The following SLC16A3 variants were observed in gnomAD, a reference collection of about 807,000 sequenced individuals.
SLC16A3 encodes monocarboxylate transporter 4.
In SLC16A3, 22 loss-of-function variants were observed where a neutral mutation model predicts 25.0. The ratio of observed to expected loss-of-function variants is 0.88; its 90% CI spans 0.63 to 1.26. The LOEUF is 1.26. Among genes scored for constraint, SLC16A3 ranks in the 50% most tolerant of loss-of-function variants. The probability of loss-of-function intolerance (pLI) is 0.00; values close to 1 mark genes in which losing one functional copy is unlikely to be tolerated. For missense variants in SLC16A3, 731 were observed against 666.6 expected (o/e 1.10, Z -1.06); for synonymous variants, 390 against 309.2 (o/e 1.26, Z -2.74).
At position 82,237,207 on chromosome 17, in the gene SLC16A3, C is replaced by T. The variant is rs1416950654; in HGVS notation, c.437C>T (p.Pro146Leu). 6.5e-7 allele frequency: 1 copy of T among 1,538,934 alleles called. No individual in the cohort carries two copies. The highest frequency in any genetic ancestry group is 8.8e-7 in the Non-Finnish European group (1 of 1,142,786). Reference protein sequence around the residue: ...MLNRYFSKRRPMANGLAAAGS... With the variant: ...MLNRYFSKRRLMANGLAAAGS... ...AACCGCTACTTCAGCAAGCGGCGCCCCATGGCCAACGGGCTGGCGGCAGCA... is the reference window on the plus strand; with the variant it reads ...AACCGCTACTTCAGCAAGCGGCGCCTCATGGCCAACGGGCTGGCGGCAGCA... The change falls in exon 4 of 5, where the codon CCC becomes CTC. Residue 146 changes from proline (P) to leucine (L), a missense_variant. Transcript: ENST00000582743.
intron 1 of SLC16A3, chr17:82,230,947 T>C (rs1036700626): frequency 6.6e-6 from 1 of 151,928 alleles, no homozygotes; most frequent in Non-Finnish European, 1.5e-5. Flanking sequence ...CCGCGCCCAC[T>C]GGTCCCACCT....
chr17:82,220,115 C>T (rs1276228845), intron 1 of SLC16A3, among the ~76,000 whole-genome samples: 1 of 152,232 alleles, frequency 6.6e-6, no homozygotes, highest in Non-Finnish European at 1.5e-5. Context: ...CATCCAGCCA[C>T]CTGCCACCCC....
intron 1 of SLC16A3, among the ~76,000 whole-genome samples, chr17:82,221,882 C>A (rs535097285): frequency 6.6e-6 from 1 of 152,288 alleles, no homozygotes; most frequent in African/African-American, 2.4e-5. Context: ...AAAACAAACA[C>A]CTCCCAGAAA....
chr17:82,218,111 CTCG>C (rs2050366405), exon 1 of SLC16A3, among the ~76,000 whole-genome samples: 1 of 152,230 alleles, frequency 6.6e-6, no homozygotes, highest in South Asian at 2.1e-4. Flanking sequence ...ACCTCTGCTC[CTCG>C]ACCTGGGATG....
At chr17:82,224,767 CCAA>C (rs1250476509), upstream of SLC16A3, among the ~76,000 whole-genome samples, 3 of 151,952 alleles carry the variant, frequency 2.0e-5, no homozygotes, top group African/African-American at 4.8e-5. Flanking sequence ...CAGACGCACC[CCAA>C]CACCTGTGCA....
At chr17:82,222,789 GC>G (rs1264389916) in intron 1 of SLC16A3, among the ~76,000 whole-genome samples, 1 of 140,542 alleles carries the variant, frequency 7.1e-6, no homozygotes, top group Non-Finnish European at 1.5e-5. Context: ...GGGGACAAGA[GC>G]GAGACTCCGT....
upstream of SLC16A3, among the ~76,000 whole-genome samples, chr17:82,226,810 C>T (rs1227680424): frequency 6.6e-6 from 1 of 152,170 alleles, no homozygotes; most frequent in African/African-American, 2.4e-5. Flanking sequence ...GGCCCCACCC[C>T]ACAGCGTCCT....
upstream of SLC16A3, among the ~76,000 whole-genome samples, chr17:82,226,238 CAG>C (rs2050420915): frequency 1.3e-5 from 2 of 152,080 alleles, no homozygotes; most frequent in South Asian, 2.1e-4. Context: ...GCTGTGGGGT[CAG>C]AGGGGGGCGT....
At chr17:82,220,487 C>A (rs1675905438) in intron 1 of SLC16A3, among the ~76,000 whole-genome samples, 1 of 152,154 alleles carries the variant, frequency 6.6e-6, no homozygotes, top group South Asian at 2.1e-4. Flanking sequence ...GTAATAGATT[C>A]CGGCCAGGCA....
intron 1 of SLC16A3, among the ~76,000 whole-genome samples, chr17:82,222,695 C>T (rs377356050): frequency 3.3e-5 from 5 of 150,772 alleles, no homozygotes; most frequent in South Asian, 2.1e-4. Context: ...TCCAGCTACT[C>T]GGGAGGCTGA....
intron 1 of SLC16A3, among the ~76,000 whole-genome samples, chr17:82,220,199 A>G (rs1188807170): frequency 1.3e-5 from 2 of 152,158 alleles, no homozygotes; most frequent in Non-Finnish European, 2.9e-5. Context: ...CGGCCACCCC[A>G]AAACCTTCTT....
intron 1 of SLC16A3, chr17:82,234,437 TG>T (rs955079776): frequency 2.0e-4 from 31 of 152,040 alleles, no homozygotes; most frequent in African/African-American, 7.3e-4. Flanking sequence ...TCTGGCTCTG[TG>T]GGGGGGTCTG....
chr17:82,221,983 C>G (rs753564436), intron 1 of SLC16A3, among the ~76,000 whole-genome samples: 1 of 152,238 alleles, frequency 6.6e-6, no homozygotes, highest in East Asian at 1.9e-4. Flanking sequence ...CCAAAGCCTC[C>G]GTGGAAAGCA....
intron 2 of SLC16A3, 28 bp from the exon 3 acceptor site, chr17:82,236,701 G>C: frequency 6.3e-7 from 1 of 1,593,986 alleles, no homozygotes; most frequent in Non-Finnish European, 8.5e-7. Context: ...CTGCAGGCCC[G>C]GCCCCTCTCA....
chr17:82,239,086 CTG>C lies in SLC16A3; in HGVS notation c.*111_*112del. The C allele has an allele frequency of 9.1e-7, 1 of 1,104,162 alleles. No individual in the cohort carries two copies. Among genetic ancestry groups the C allele is most frequent in the East Asian group, 2.6e-5 (1 of 38,606 alleles). The allele number at this position is 1,104,162 out of a possible 1,614,324, so 68.4% of individuals were successfully genotyped here. A position where few individuals can be genotyped will look rare whatever the true frequency, so the allele number is the denominator to read the frequency against. ...AGGCAGGGCCACGGCTGGGCTCCAGCTGCCGGCCCAGCGGATCGTCGCCCGAT... is the reference window on the plus strand; with the variant it reads ...AGGCAGGGCCACGGCTGGGCTCCAGCCCGGCCCAGCGGATCGTCGCCCGAT... On this transcript the variant is annotated 3_prime_UTR_variant, in exon 5 of 5. Coordinates refer to ENST00000582743, the MANE Select transcript of SLC16A3 (RefSeq NM_004207.4).
At chr17:82,228,670 T>A (rs1045483726), upstream of SLC16A3, 7 of 152,144 alleles carry the variant, frequency 4.6e-5, no homozygotes, top group African/African-American at 1.7e-4. Context: ...GAGGGGTCGC[T>A]GCCCTGGAGG....
At position 82,239,883 on chromosome 17, in the gene SLC16A3, C is replaced by T. The variant is rs919038163; in HGVS notation, c.*907C>T. On this transcript the variant is annotated 3_prime_UTR_variant, in exon 5 of 5. Coordinates refer to ENST00000582743, the MANE Select transcript of SLC16A3 (RefSeq NM_004207.4). ...GTCCTCCATCCAGCCCGGCCCAGCG[C>T]TTGGGCTTGTCCTGGACACCTAACA... is the stretch of plus-strand genomic sequence containing the variant. 5.5e-6 allele frequency: 4 copies of T among 733,216 alleles called. No individual in the cohort carries two copies. The highest frequency in any genetic ancestry group is 7.5e-6 in the Non-Finnish European group (4 of 532,296). The allele number at this position is 733,216 out of a possible 1,614,324, so 45.4% of individuals were successfully genotyped here. A position where few individuals can be genotyped will look rare whatever the true frequency, so the allele number is the denominator to read the frequency against.
At position 82,237,185 on chromosome 17, in the gene SLC16A3, C is replaced by G; in HGVS notation, c.415C>G (p.Arg139Gly). The change falls in exon 4 of 5, where the codon CGC (arginine) becomes GGC (glycine). Residue 139 changes from arginine to glycine, a missense_variant. By Grantham distance (125) the Arg-to-Gly change is moderately radical. Transcript: ENST00000582743. ...NFQPSLIMLN[R>G]YFSKRRPMAN... Reference sequence around the variant, plus strand: ...CCAGCCCTCGCTCATCATGCTGAACCGCTACTTCAGCAAGCGGCGCCCCAT... The same window carrying G: ...CCAGCCCTCGCTCATCATGCTGAACGGCTACTTCAGCAAGCGGCGCCCCAT... The G allele has an allele frequency of 6.5e-7, 1 of 1,527,280 alleles. No individual in the cohort carries two copies. Among genetic ancestry groups the G allele is most frequent in the Non-Finnish European group, 8.8e-7 (1 of 1,137,838 alleles). 94.6% of individuals were successfully genotyped at this position (1,527,280 alleles called of 1,614,324 possible).
At position 82,236,921 on chromosome 17, in the gene SLC16A3, C is replaced by T. The variant is rs377179500; in HGVS notation, c.367+49C>T. 13 of 1,591,454 alleles carry T rather than the reference C, an allele frequency of 8.2e-6. No individual in the cohort carries two copies. In the African/African-American group the frequency reaches 9.4e-5, roughly 11 times the overall value. Reference sequence around the variant, plus strand: ...CGCACGTGCCAGGAGGGGCAGGGGCCGTGCACTTCTGCTCCTGGGTCCAGG... The same window carrying T: ...CGCACGTGCCAGGAGGGGCAGGGGCTGTGCACTTCTGCTCCTGGGTCCAGG... On this transcript the variant is annotated intron_variant, in intron 3 of 4. Transcript: ENST00000582743.
Sources: gnomAD v4.1 joint callset for allele counts (sites outside exome capture counted in the v4.1 genomes callset) on GRCh38, gnomAD v4.1.1 for gene constraint, MANE v1.5 for transcripts, NCBI Gene and HGNC (gene_info 2026-07-23, HGNC 2026-07-21) for gene names.